Variants in GRIK4 observed in about 807,000 individuals in gnomAD.
GRIK4 encodes glutamate ionotropic receptor kainate type subunit 4, also known as glutamate receptor ionotropic, kainate 4.
A neutral mutation model predicts 104.9 loss-of-function variants in GRIK4; 40 were observed. That is an observed-to-expected ratio of 0.38 (90% CI 0.30 to 0.50). The LOEUF is 0.50. Ranked by LOEUF, GRIK4 falls within the 20% of genes least tolerant of loss-of-function variation. The pLI, the probability that GRIK4 is intolerant of heterozygous loss-of-function variation, is 0.93. For synonymous variants in GRIK4, 485 were observed against 524.9 expected, an observed-to-expected ratio of 0.92 and a Z score of 1.04; for missense variants, 1,047 against 1,308.1, an observed-to-expected ratio of 0.80 and a Z score of 3.08.
chr11:120,609,738 T>C (rs575315222), intron 1 of GRIK4, among the ~76,000 whole-genome samples: 1 of 152,194 alleles, frequency 6.6e-6, no homozygotes, highest in South Asian at 2.1e-4. Flanking sequence ...GGTCTCGAAC[T>C]CCTGACCTCA....
At chr11:120,860,409 C>T (rs935245048) in intron 8 of GRIK4, among the ~76,000 whole-genome samples, 6 of 152,252 alleles carry the variant, frequency 3.9e-5, no homozygotes, top group African/African-American at 1.2e-4. Context: ...TAACTGGCCT[C>T]GGTGCACTCA....
intron 1 of GRIK4, among the ~76,000 whole-genome samples, chr11:120,625,378 G>A (rs553003884): frequency 6.6e-6 from 1 of 152,172 alleles, no homozygotes; most frequent in Non-Finnish European, 1.5e-5. Context: ...CCGGAAAGGG[G>A]ACACAGAGAG....
At chr11:120,594,716 A>C (rs185762745) in intron 1 of GRIK4, among the ~76,000 whole-genome samples, 2 of 152,266 alleles carry the variant, frequency 1.3e-5, no homozygotes, top group Non-Finnish European at 2.9e-5. Flanking sequence ...TGGTATTTTC[A>C]GGGAAGGTGT....
At chr11:120,937,435 A>C (rs924341769) in intron 13 of GRIK4, among the ~76,000 whole-genome samples, 1 of 152,220 alleles carries the variant, frequency 6.6e-6, no homozygotes, top group Non-Finnish European at 1.5e-5. Flanking sequence ...CTTCAAGCTA[A>C]AGTAGGTAAT....
At chr11:120,807,988 T>TG (rs1212800543) in intron 4 of GRIK4, among the ~76,000 whole-genome samples, 1 of 152,126 alleles carries the variant, frequency 6.6e-6, no homozygotes, top group African/African-American at 2.4e-5. Context: ...GAGCAGGCTA[T>TG]GGGGTCAGGT....
chr11:120,854,487 C>T (rs994622916), intron 8 of GRIK4, among the ~76,000 whole-genome samples: 1 of 152,114 alleles, frequency 6.6e-6, no homozygotes, highest in Non-Finnish European at 1.5e-5. Flanking sequence ...TGCCTGTGGC[C>T]CTGCTGGGAA....
chr11:120,691,824 C>A (rs1345696988), intron 3 of GRIK4, among the ~76,000 whole-genome samples: 1 of 152,214 alleles, frequency 6.6e-6, no homozygotes, highest in Non-Finnish European at 1.5e-5. Context: ...CTGCTGATCC[C>A]CTGCCAGTGG....
chr11:120,560,115 T>C (rs1948223811), intron 1 of GRIK4, among the ~76,000 whole-genome samples: 1 of 152,022 alleles, frequency 6.6e-6, no homozygotes, highest in Non-Finnish European at 1.5e-5. Context: ...AGTGTTGCGA[T>C]CTTGGATCAC....
intron 9 of GRIK4, chr11:120,871,978 G>A (rs1169429967): frequency 1.1e-5 from 5 of 451,388 alleles, no homozygotes; most frequent in African/African-American, 1.0e-4. Flanking sequence ...GGCCCAACAT[G>A]TAGCAAAACT....
chr11:120,784,248 A>T (rs1345963317), intron 3 of GRIK4, among the ~76,000 whole-genome samples: 1 of 151,944 alleles, frequency 6.6e-6, no homozygotes, highest in African/African-American at 2.4e-5. Flanking sequence ...CTGGATAAAT[A>T]CTCCCTTCCC....
intron 8 of GRIK4, among the ~76,000 whole-genome samples, chr11:120,845,634 T>C (rs1189796550): frequency 1.3e-5 from 2 of 148,228 alleles, no homozygotes; most frequent in Non-Finnish European, 3.0e-5. Flanking sequence ...TACACACACA[T>C]CCCTATGCAC....
chr11:120,572,583 C>T (rs1948415397), intron 1 of GRIK4, among the ~76,000 whole-genome samples: 1 of 152,168 alleles, frequency 6.6e-6, no homozygotes, highest in South Asian at 2.1e-4. Flanking sequence ...CTTTCTCTCC[C>T]TCCCGTCTTT....
At chr11:120,813,263 T>G (rs1952865874) in intron 4 of GRIK4, among the ~76,000 whole-genome samples, 1 of 152,072 alleles carries the variant, frequency 6.6e-6, no homozygotes, top group Non-Finnish European at 1.5e-5. Context: ...ATTAGGTGTG[T>G]GACCAGAGCG....
intron 9 of GRIK4, chr11:120,868,532 G>GGC (rs1555081786): frequency 2.2e-4 from 10 of 45,022 alleles, no homozygotes; most frequent in African/African-American, 5.6e-4. Context: ...GGTGGAAATG[G>GGC]GGGGGGGGGC....
intron 3 of GRIK4, among the ~76,000 whole-genome samples, chr11:120,711,443 C>T (rs995209652): frequency 1.3e-5 from 2 of 152,092 alleles, no homozygotes; most frequent in Admixed American, 6.5e-5. Context: ...TTCATCCTGG[C>T]GGGACCCATC....
intron 11 of GRIK4, among the ~76,000 whole-genome samples, chr11:120,883,207 C>T (rs1464832541): frequency 6.6e-6 from 1 of 152,118 alleles, no homozygotes; most frequent in Admixed American, 6.5e-5. Flanking sequence ...GCAGGGGGCA[C>T]ACAGATGTGC....
At chr11:120,597,504 G>A (rs1484722574) in intron 1 of GRIK4, among the ~76,000 whole-genome samples, 2 of 152,196 alleles carry the variant, frequency 1.3e-5, no homozygotes, top group East Asian at 3.9e-4. Context: ...GCTGAGCCCC[G>A]TGGCAGGCAG....
chr11:120,558,582 C>T lies in GRIK4; in HGVS notation c.-159+46695C>T, dbSNP rs185704138. On this transcript the variant is annotated intron_variant, in intron 1 of 20. Coordinates refer to ENST00000527524, the MANE Select transcript of GRIK4 (RefSeq NM_014619.5). The stretch of plus-strand genomic sequence containing the variant: ...CAGCCTGGGCGACAGAGCGAGACTC[C>T]GTCTCAAAAACCAAACCAAACCAAA... Among the ~76,000 whole-genome samples, 27 of 152,186 alleles carry T rather than the reference C, an allele frequency of 1.8e-4. No homozygotes were observed. The East Asian group carries it at 4.1e-3, about 23-fold the overall frequency.
intron 16 of GRIK4, among the ~76,000 whole-genome samples, chr11:120,959,584 G>T (rs1944243459): frequency 6.6e-6 from 1 of 152,178 alleles, no homozygotes; most frequent in Non-Finnish European, 1.5e-5. Flanking sequence ...CTTGGGATTG[G>T]GATGTAGATC....
Sources: gnomAD v4.1 joint callset for allele counts (sites outside exome capture counted in the v4.1 genomes callset) on GRCh38, gnomAD v4.1.1 for gene constraint, MANE v1.5 for transcripts, NCBI Gene and HGNC (gene_info 2026-07-23, HGNC 2026-07-21) for gene names.